The following NDUFA13 variants were observed in gnomAD, a reference collection of about 807,000 sequenced individuals.
The protein encoded by NDUFA13 is NADH dehydrogenase [ubiquinone] 1 alpha subcomplex subunit 13.
In NDUFA13, 16 loss-of-function variants were observed where a neutral mutation model predicts 17.0. The observed-to-expected ratio is 0.94, with a 90% confidence interval of 0.64 to 1.43. The LOEUF (loss-of-function observed/expected upper bound fraction) is 1.43. Ranked by LOEUF, NDUFA13 falls within the 40% of genes most tolerant of loss-of-function variation. The pLI is 0.00. For synonymous variants in NDUFA13, 87 were observed against 78.4 expected, an observed-to-expected ratio of 1.11 and a Z score of -0.58; for missense variants, 228 against 206.7, an observed-to-expected ratio of 1.10 and a Z score of -0.63.
intron 2 of NDUFA13, 130 bp from the exon 3 acceptor site, chr19:19,527,151 G>T (rs1188129949): frequency 6.5e-5 from 58 of 889,614 alleles, no homozygotes; most frequent in Admixed American, 3.1e-4. Context: ...CCCTCGCCCT[G>T]CCCCCTGCCT....
At chr19:19,523,970 G>A (rs764649590) in intron 1 of NDUFA13, among the ~76,000 whole-genome samples, 8 of 152,190 alleles carry the variant, frequency 5.3e-5, no homozygotes, top group Non-Finnish European at 8.8e-5. Flanking sequence ...ATGTTTCACT[G>A]TGTTGCACAG....
intron 1 of NDUFA13, among the ~76,000 whole-genome samples, chr19:19,516,696 C>T (rs567521773): frequency 6.6e-6 from 1 of 152,358 alleles, no homozygotes; most frequent in African/African-American, 2.4e-5. Flanking sequence ...CAACCCGGAA[C>T]CTGGAGGGAA....
At chr19:19,521,641 C>G (rs1052166353) in intron 1 of NDUFA13, among the ~76,000 whole-genome samples, 1 of 12,310 alleles carries the variant, frequency 8.1e-5, no homozygotes, top group Non-Finnish European at 1.5e-4. Context: ...CTTGCTCTGT[C>G]GCCCGGGCTG....
At chr19:19,516,888 A>G (rs1490412084) in intron 1 of NDUFA13, among the ~76,000 whole-genome samples, 3 of 152,154 alleles carry the variant, frequency 2.0e-5, no homozygotes, top group East Asian at 1.9e-4. Flanking sequence ...CCTGGGTTCA[A>G]GCGATTCTCT....
chr19:19,526,785 A>G (rs1395529259), intron 2 of NDUFA13: 1 of 275,154 alleles, frequency 3.6e-6, no homozygotes, highest in African/African-American at 2.2e-5. Flanking sequence ...CCCTCCCCCA[A>G]CCCCAACGCA....
intron 2 of NDUFA13, among the ~76,000 whole-genome samples, chr19:19,526,954 G>A (rs539519305): frequency 1.3e-5 from 2 of 152,332 alleles, no homozygotes; most frequent in South Asian, 2.1e-4. Context: ...CCAGAGCCCC[G>A]TGATGAAGTC....
chr19:19,521,008 G>C (rs2061074616), intron 1 of NDUFA13, among the ~76,000 whole-genome samples: 1 of 152,212 alleles, frequency 6.6e-6, no homozygotes, highest in Admixed American at 6.5e-5. Flanking sequence ...ACAGGTGTTT[G>C]TATGGATGTA....
At chr19:19,520,307 C>T (rs1349336329) in intron 1 of NDUFA13, among the ~76,000 whole-genome samples, 1 of 152,118 alleles carries the variant, frequency 6.6e-6, no homozygotes, top group Non-Finnish European at 1.5e-5. Flanking sequence ...GGTTCCAATA[C>T]CATACCACAC....
At chr19:19,527,637 G>T (rs1214041923) in intron 3 of NDUFA13, 64 bp from the exon 4 acceptor site, 5 of 1,313,634 alleles carry the variant, frequency 3.8e-6, no homozygotes, top group South Asian at 1.3e-5. Context: ...GCTACTAGGG[G>T]CCCTAGGCAG....
At chr19:19,521,437 C>T (rs2061077062) in intron 1 of NDUFA13, among the ~76,000 whole-genome samples, 1 of 152,232 alleles carries the variant, frequency 6.6e-6, no homozygotes, top group South Asian at 2.1e-4. Flanking sequence ...AGGCTGGTGT[C>T]GAACTCCTGG....
intron 2 of NDUFA13, chr19:19,526,602 A>C (rs2061100763): frequency 2.6e-6 from 1 of 381,570 alleles, no homozygotes. Context: ...CCGTGGATCC[A>C]GATTAGGACA....
Position 19,527,294 on chromosome 19 carries a change from G to T in NDUFA13, c.187G>T (p.Glu63Ter), listed in dbSNP as rs773496318. Residue 63 changes from glutamate to a stop codon, truncating the protein, a stop_gained, in exon 3 of 5, where the codon GAG becomes TAG. Transcript: ENST00000507754. LOFTEE classifies it high-confidence loss of function. The stretch of plus-strand genomic sequence containing the variant: ...GGGCTTTCACAGGCGCCTACAAATC[G>T]AGGACTTCGAGGCTCGCATCGCGCT... ...WNRERRRLQI[E>*]DFEARIALLP... 2 of 1,613,838 alleles carry T rather than the reference G, an allele frequency of 1.2e-6. No homozygotes were observed. Among genetic ancestry groups the T allele is most frequent in the Admixed American group, 3.3e-5 (2 of 60,008 alleles).
intron 1 of NDUFA13, chr19:19,525,906 C>T: frequency 1.2e-6 from 1 of 834,698 alleles, no homozygotes; most frequent in Non-Finnish European, 1.7e-6. Flanking sequence ...ACTTCAGGGC[C>T]AGCCTGCCGC....
At chr19:19,519,116 C>T (rs1323294037) in intron 1 of NDUFA13, among the ~76,000 whole-genome samples, 1 of 148,548 alleles carries the variant, frequency 6.7e-6, no homozygotes, top group Non-Finnish European at 1.5e-5. Context: ...GTCTCGAACT[C>T]CTGACCTCAG....
chr19:19,516,645 C>T (rs2144634778), intron 1 of NDUFA13, among the ~76,000 whole-genome samples: 1 of 152,354 alleles, frequency 6.6e-6, no homozygotes, highest in Middle Eastern at 3.4e-3. Context: ...GAAACTGAGG[C>T]CCAAAGAAGG....
chr19:19,525,066 A>G (rs2061094223), intron 1 of NDUFA13, among the ~76,000 whole-genome samples: 2 of 152,154 alleles, frequency 1.3e-5, no homozygotes, highest in South Asian at 4.1e-4. Context: ...GGAAAAAAAA[A>G]TGAACAAGGC....
At chr19:19,524,716 G>A (rs570759558) in intron 1 of NDUFA13, among the ~76,000 whole-genome samples, 1 of 152,260 alleles carries the variant, frequency 6.6e-6, no homozygotes, top group African/African-American at 2.4e-5. Context: ...TGAGGTGGAA[G>A]AATCGCTTGA....
Position 19,526,270 on chromosome 19 carries a change from CT to C in NDUFA13, c.173+11del. On this transcript the variant is annotated intron_variant, in intron 2 of 4. Transcript: ENST00000507754. Reference sequence around the variant, plus strand: ...GGAACCGTGAGCGCAGGTAGGGCCCCTGGTGGGCGTTGTCTGAAAGTGCCCC... The same window carrying C: ...GGAACCGTGAGCGCAGGTAGGGCCCCGGTGGGCGTTGTCTGAAAGTGCCCC... 1 of 1,613,880 alleles carries C rather than the reference CT, an allele frequency of 6.2e-7. No homozygotes were observed. Among genetic ancestry groups the C allele is most frequent in the Non-Finnish European group, 8.5e-7 (1 of 1,179,930 alleles).
At chr19:19,523,450 T>G (rs1166592555) in intron 1 of NDUFA13, among the ~76,000 whole-genome samples, 1 of 151,744 alleles carries the variant, frequency 6.6e-6, no homozygotes, top group Admixed American at 6.6e-5. Context: ...TTCTTTTTTT[T>G]TTGTTTTTGT....
Sources: allele counts gnomAD v4.1 joint callset (sites outside exome capture counted in the v4.1 genomes callset), GRCh38; gene constraint gnomAD v4.1.1; transcripts MANE v1.5; gene names NCBI Gene and HGNC (gene_info 2026-07-23, HGNC 2026-07-21).